ANGPT1: variants seen among roughly 807,000 people sequenced by gnomAD.
The protein encoded by ANGPT1 is angiopoietin 1.
In ANGPT1, 17 loss-of-function variants were observed where a neutral mutation model predicts 62.2. The ratio of observed to expected loss-of-function variants is 0.27; its 90% confidence interval spans 0.19 to 0.41. The LOEUF (loss-of-function observed/expected upper bound fraction) is 0.41. Ranked by LOEUF, ANGPT1 falls within the 10% of genes least tolerant of loss-of-function variation. The pLI is 1.00. For missense variants in ANGPT1, 478 were observed against 594.9 expected (o/e 0.80, Z 2.04); for synonymous variants, 199 against 198.9 (o/e 1.00, Z 0.00).
intron 3 of ANGPT1, among the ~76,000 whole-genome samples, chr8:107,323,460 A>G (rs950316090): frequency 1.2e-4 from 19 of 152,162 alleles, no homozygotes; most frequent in African/African-American, 4.6e-4. Context: ...TTAAATTATA[A>G]AATAGAGCAT....
At position 107,466,712 on chromosome 8, in the gene ANGPT1, G is replaced by A. The variant is rs1014008483; in HGVS notation, c.297+30550C>T. On this transcript the variant is annotated intron_variant, in intron 1 of 8. Transcript: ENST00000517746. ...GGATCACCTGAGGTCAGGAGTTTGA[G>A]ATTAGCCTGGCCAATATGGTGAAAC... 6.6e-5 allele frequency among the ~76,000 whole-genome samples: 10 copies of A among 152,172 alleles called. No homozygotes were observed. In the South Asian group the frequency reaches 2.1e-3, roughly 32 times the overall value.
At chr8:107,473,965 AG>A (rs1812433890) in intron 1 of ANGPT1, among the ~76,000 whole-genome samples, 1 of 152,180 alleles carries the variant, frequency 6.6e-6, no homozygotes, top group Non-Finnish European at 1.5e-5. Flanking sequence ...AACCAAAAAA[AG>A]TCCAGGACCA....
chr8:107,396,770 A>C (rs1481455572), intron 1 of ANGPT1, among the ~76,000 whole-genome samples: 1 of 151,902 alleles, frequency 6.6e-6, no homozygotes, highest in East Asian at 1.9e-4. Flanking sequence ...GGATCCTCCC[A>C]CCACGACCCC....
At chr8:107,462,894 C>T (rs1041356413) in intron 1 of ANGPT1, among the ~76,000 whole-genome samples, 1 of 152,000 alleles carries the variant, frequency 6.6e-6, no homozygotes, top group Non-Finnish European at 1.5e-5. Flanking sequence ...TAACCTGTTT[C>T]CCCTCTCAGT....
At chr8:107,355,634 A>T (rs189724247) in intron 1 of ANGPT1, among the ~76,000 whole-genome samples, 146 of 150,808 alleles carry the variant, frequency 9.7e-4, no homozygotes, top group African/African-American at 3.5e-3. Context: ...TTTGCATATG[A>T]CTTTGCTCCA....
chr8:107,371,368 C>A (rs1816407364), intron 1 of ANGPT1, among the ~76,000 whole-genome samples: 1 of 152,148 alleles, frequency 6.6e-6, no homozygotes, highest in African/African-American at 2.4e-5. Context: ...TCTCTTTTCA[C>A]TCTTGTTCTC....
At chr8:107,287,493 G>A (rs2130150038) in intron 6 of ANGPT1, among the ~76,000 whole-genome samples, 1 of 152,304 alleles carries the variant, frequency 6.6e-6, no homozygotes, top group East Asian at 1.9e-4. Flanking sequence ...GCTCTAGTAT[G>A]AGAGCAAAAG....
intron 1 of ANGPT1, among the ~76,000 whole-genome samples, chr8:107,407,161 G>A (rs915623442): frequency 1.3e-5 from 2 of 152,102 alleles, no homozygotes. Flanking sequence ...TCAGTAGGCG[G>A]ATTTTATTTA....
intron 7 of ANGPT1, among the ~76,000 whole-genome samples, chr8:107,265,608 T>C (rs1271893622): frequency 6.6e-6 from 1 of 152,114 alleles, no homozygotes; most frequent in Non-Finnish European, 1.5e-5. Flanking sequence ...ACCAGCACAA[T>C]GTTTTCATCA....
intron 4 of ANGPT1, among the ~76,000 whole-genome samples, chr8:107,313,446 T>TG (rs1814930649): frequency 7.7e-6 from 1 of 130,236 alleles, no homozygotes; most frequent in African/African-American, 2.9e-5. Flanking sequence ...TTTTTTTTTT[T>TG]TTTTTTTTTT....
At chr8:107,386,974 T>C (rs1341683077) in intron 1 of ANGPT1, among the ~76,000 whole-genome samples, 2 of 152,106 alleles carry the variant, frequency 1.3e-5, no homozygotes, top group South Asian at 2.1e-4. Context: ...AGACACAAAC[T>C]ATGTGCCAGC....
chr8:107,268,843 T>A (rs1308090455), intron 7 of ANGPT1, among the ~76,000 whole-genome samples: 1 of 151,922 alleles, frequency 6.6e-6, no homozygotes, highest in Non-Finnish European at 1.5e-5. Flanking sequence ...TTGGTTGAAA[T>A]GATGTACAAG....
At chr8:107,268,418 G>GTGTT (rs1222084229) in intron 7 of ANGPT1, among the ~76,000 whole-genome samples, 1 of 150,894 alleles carries the variant, frequency 6.6e-6, no homozygotes, top group Non-Finnish European at 1.5e-5. Context: ...GTGTGTGTGT[G>GTGTT]TGTGTGTGTG....
At chr8:107,406,558 G>A (rs1320585392) in intron 1 of ANGPT1, among the ~76,000 whole-genome samples, 1 of 151,810 alleles carries the variant, frequency 6.6e-6, no homozygotes, top group African/African-American at 2.4e-5. Context: ...TCAATTAGTA[G>A]GATCTCTGAG....
intron 1 of ANGPT1, among the ~76,000 whole-genome samples, chr8:107,442,702 T>C (rs1811515327): frequency 6.6e-6 from 1 of 152,254 alleles, no homozygotes; most frequent in Non-Finnish European, 1.5e-5. Flanking sequence ...TTTTGGTTTA[T>C]TGCTTTGAAA....
chr8:107,393,251 A>G (rs1363994220), intron 1 of ANGPT1, among the ~76,000 whole-genome samples: 1 of 152,172 alleles, frequency 6.6e-6, no homozygotes, highest in Non-Finnish European at 1.5e-5. Flanking sequence ...AGGCAAGACT[A>G]TAGAGAACAA....
chr8:107,370,675 C>T (rs1816387150), intron 1 of ANGPT1, among the ~76,000 whole-genome samples: 1 of 122,702 alleles, frequency 8.1e-6, no homozygotes, highest in Admixed American at 1.0e-4. Flanking sequence ...TGCACTCCAG[C>T]CTGGGTGACA....
intron 1 of ANGPT1, among the ~76,000 whole-genome samples, chr8:107,402,973 A>G (rs944238017): frequency 3.9e-5 from 6 of 152,188 alleles, no homozygotes; most frequent in Non-Finnish European, 7.3e-5. Flanking sequence ...ATTGGAAATA[A>G]CCATATATCA....
intron 1 of ANGPT1, among the ~76,000 whole-genome samples, chr8:107,353,520 T>G (rs1815976251): frequency 6.6e-6 from 1 of 152,180 alleles, no homozygotes; most frequent in Non-Finnish European, 1.5e-5. Flanking sequence ...ATTTCAGGGG[T>G]CTTGACTTTC....
Sources: allele counts gnomAD v4.1 joint callset (sites outside exome capture counted in the v4.1 genomes callset), GRCh38; gene constraint gnomAD v4.1.1; transcripts MANE v1.5; gene names NCBI Gene and HGNC (gene_info 2026-07-23, HGNC 2026-07-21).